The following CNTNAP2 variants were observed in gnomAD, a reference collection of about 807,000 sequenced individuals.
CNTNAP2 encodes contactin associated protein 2.
A neutral mutation model predicts 155.2 loss-of-function variants in CNTNAP2; 98 were observed. The observed-to-expected ratio is 0.63, with a 90% CI of 0.54 to 0.75. CNTNAP2 has a LOEUF of 0.75. Among genes scored for constraint, CNTNAP2 ranks in the 30% least tolerant of loss-of-function variants. The pLI is 0.00. For missense variants in CNTNAP2, 1,727 were observed against 1,688.1 expected (o/e 1.02, Z -0.40); for synonymous variants, 651 against 631.2 (o/e 1.03, Z -0.47).
rs1319122234 is a variant in CNTNAP2 at position 146,452,690 on chromosome 7, ATTTACT to A, written c.98-321573_98-321568del. On this transcript the variant is annotated intron_variant, in intron 1 of 23. Coordinates refer to ENST00000361727, the MANE Select transcript of CNTNAP2 (RefSeq NM_014141.6). ...ATAAAAGCCATGCATGTGGTTTAAC[ATTTACT>A]TTTACTTAACATTTGCCATTCTGTA... Among the ~76,000 whole-genome samples the A allele has an allele frequency of 9.2e-5, 14 of 152,158 alleles. No individual in the cohort carries two copies. The South Asian group carries it at 2.7e-3, about 29-fold the overall frequency.
intron 13 of CNTNAP2, among the ~76,000 whole-genome samples, chr7:147,757,939 G>A (rs568362657): frequency 6.6e-6 from 1 of 152,188 alleles, no homozygotes; most frequent in South Asian, 2.1e-4. Context: ...CACTTTATCA[G>A]GAAGGCCCAC....
intron 12 of CNTNAP2, among the ~76,000 whole-genome samples, chr7:147,582,742 C>T (rs997094150): frequency 1.3e-5 from 2 of 151,750 alleles, no homozygotes; most frequent in African/African-American, 4.8e-5. Flanking sequence ...CCTATTTTTC[C>T]TCGTATGAGT....
intron 20 of CNTNAP2, among the ~76,000 whole-genome samples, chr7:148,247,402 G>C (rs965429908): frequency 6.6e-6 from 1 of 151,878 alleles, no homozygotes; most frequent in Non-Finnish European, 1.5e-5. Context: ...CTTACTCCAG[G>C]GCATTGCTGA....
chr7:147,456,032 C>T (rs1307112152), intron 10 of CNTNAP2, among the ~76,000 whole-genome samples: 1 of 152,060 alleles, frequency 6.6e-6, no homozygotes, highest in Admixed American at 6.6e-5. Flanking sequence ...TTGATGACTC[C>T]TTTGTAAACA....
chr7:146,345,054 A>C (rs1458027221), intron 1 of CNTNAP2, among the ~76,000 whole-genome samples: 1 of 152,208 alleles, frequency 6.6e-6, no homozygotes, highest in Admixed American at 6.5e-5. Context: ...GAATGGATTT[A>C]AAATTTAGCA....
At chr7:146,898,766 G>A (rs925689391) in intron 3 of CNTNAP2, among the ~76,000 whole-genome samples, 8 of 151,732 alleles carry the variant, frequency 5.3e-5, no homozygotes, top group Non-Finnish European at 8.8e-5. Flanking sequence ...TTGTTTAACC[G>A]ATTGAGTACA....
intron 8 of CNTNAP2, among the ~76,000 whole-genome samples, chr7:147,297,618 T>C (rs1303495274): frequency 6.6e-6 from 1 of 152,190 alleles, no homozygotes; most frequent in African/African-American, 2.4e-5. Flanking sequence ...ATGGTTCACA[T>C]GACACATCTT....
chr7:146,502,224 A>ATAT (rs1797311652), intron 1 of CNTNAP2, among the ~76,000 whole-genome samples: 2 of 94,808 alleles, frequency 2.1e-5, no homozygotes, highest in Non-Finnish European at 4.0e-5. Flanking sequence ...TATATATATG[A>ATAT]ATATATATAT....
intron 11 of CNTNAP2, among the ~76,000 whole-genome samples, chr7:147,505,164 C>G (rs1196544834): frequency 6.6e-6 from 1 of 152,064 alleles, no homozygotes; most frequent in Non-Finnish European, 1.5e-5. Flanking sequence ...ACTCTCCTGA[C>G]ATTATTAATG....
At chr7:146,638,202 A>AT (rs1338217986) in intron 1 of CNTNAP2, among the ~76,000 whole-genome samples, 1 of 152,180 alleles carries the variant, frequency 6.6e-6, no homozygotes, top group East Asian at 1.9e-4. Flanking sequence ...CCCTAATGAT[A>AT]TCACATCCAA....
intron 20 of CNTNAP2, among the ~76,000 whole-genome samples, chr7:148,232,939 C>T (rs1795988613): frequency 6.6e-6 from 1 of 152,196 alleles, no homozygotes; most frequent in Admixed American, 6.5e-5. Context: ...TGCCAAAAGA[C>T]AAAGTACCCA....
At chr7:147,765,090 G>GT in intron 13 of CNTNAP2, among the ~76,000 whole-genome samples, 1 of 152,252 alleles carries the variant, frequency 6.6e-6, no homozygotes, top group East Asian at 1.9e-4. Flanking sequence ...AGTAAGAATA[G>GT]TTTTCTAAAA....
At chr7:147,735,923 C>T (rs1213207657) in intron 13 of CNTNAP2, among the ~76,000 whole-genome samples, 2 of 150,880 alleles carry the variant, frequency 1.3e-5, no homozygotes, top group African/African-American at 4.9e-5. Flanking sequence ...TGTCTCTGCA[C>T]ATGAGATGGG....
At chr7:146,911,149 G>T (rs1174699298) in intron 3 of CNTNAP2, among the ~76,000 whole-genome samples, 1 of 151,578 alleles carries the variant, frequency 6.6e-6, no homozygotes, top group East Asian at 1.9e-4. Context: ...TAAAAAGTCA[G>T]GATACAACAG....
intron 4 of CNTNAP2, among the ~76,000 whole-genome samples, chr7:147,106,760 T>A (rs969782254): frequency 2.6e-5 from 4 of 152,156 alleles, no homozygotes; most frequent in African/African-American, 9.6e-5. Flanking sequence ...TAGAATTAAG[T>A]AAACTCAACA....
At chr7:147,640,477 T>C (rs1019292006) in intron 13 of CNTNAP2, among the ~76,000 whole-genome samples, 1 of 152,094 alleles carries the variant, frequency 6.6e-6, no homozygotes. Context: ...AAGTAGCAAG[T>C]AGTATATTGA....
chr7:147,890,761 T>C (rs1799675707), intron 13 of CNTNAP2, among the ~76,000 whole-genome samples: 1 of 152,146 alleles, frequency 6.6e-6, no homozygotes, highest in Non-Finnish European at 1.5e-5. Flanking sequence ...GTTGCACTCA[T>C]AGAATTAGAG....
At chr7:146,608,606 T>C (rs922903001) in intron 1 of CNTNAP2, among the ~76,000 whole-genome samples, 2 of 152,300 alleles carry the variant, frequency 1.3e-5, no homozygotes, top group South Asian at 2.1e-4. Flanking sequence ...TTACAGAATG[T>C]ACCATTCAAA....
Position 147,639,205 on chromosome 7 carries a change from G to A in CNTNAP2, c.1997G>A (p.Ser666Asn), listed in dbSNP as rs200098672. 9.9e-6 allele frequency: 16 copies of A among 1,614,020 alleles called. No homozygotes were observed. Among genetic ancestry groups the A allele is most frequent in the Non-Finnish European group, 1.2e-5 (14 of 1,180,014 alleles). Residue 666 changes from serine to asparagine, a missense_variant, in exon 13 of 24, where the codon AGC (serine) becomes AAC (asparagine). Coordinates refer to ENST00000361727, the MANE Select transcript of CNTNAP2 (RefSeq NM_014141.6). ...EKYSVTQLVY[S>N]ASMDQISAIT... ...TACTCAGTGACACAGCTCGTTTACA[G>A]CGCCTCCATGGACCAGATAAGTGCC...
Sources: allele counts gnomAD v4.1 joint callset (sites outside exome capture counted in the v4.1 genomes callset), GRCh38; gene constraint gnomAD v4.1.1; transcripts MANE v1.5; gene names NCBI Gene and HGNC (gene_info 2026-07-23, HGNC 2026-07-21).